CAST: variants seen among roughly 807,000 people sequenced by gnomAD.
CAST encodes the protein MIR583 host.
In CAST, 76 loss-of-function variants were observed where a neutral mutation model predicts 119.6. The ratio of observed to expected loss-of-function variants is 0.64; its 90% CI spans 0.53 to 0.77. CAST has a LOEUF of 0.77. CAST is among the 30% of genes least tolerant of loss of function. CAST has a pLI of 0.00. For missense variants in CAST, 953 were observed against 946.5 expected (o/e 1.01, Z -0.09); for synonymous variants, 319 against 331.6 (o/e 0.96, Z 0.41).
Position 96,566,581 on chromosome 5 carries a change from T to C in CAST, c.60+36701T>C, listed in dbSNP as rs1174714250. On this transcript the variant is annotated intron_variant, in intron 1 of 11. Transcript: ENST00000505143. ...AAGGTCTGAGAGGTCCATGACCCAC[T>C]GTATTCACTTACTAGTCACCATATT... Among the ~76,000 whole-genome samples, 3 of 152,180 alleles carry C rather than the reference T, an allele frequency of 2.0e-5. No homozygotes were observed. The East Asian group carries it at 5.8e-4, about 29-fold the overall frequency.
chr5:96,051,660 C>T, the CAST span, among the ~76,000 whole-genome samples: 2 of 152,052 alleles, frequency 1.3e-5, no homozygotes, highest in Non-Finnish European at 2.9e-5. Flanking sequence ...GTCAATGACT[C>T]CTGTGAGTGA....
At chr5:96,462,981 C>T in the CAST span, among the ~76,000 whole-genome samples, 3 of 152,056 alleles carry the variant, frequency 2.0e-5, no homozygotes, top group African/African-American at 7.2e-5. Context: ...AACTGTGAGT[C>T]AATTAAACCT....
chr5:96,254,721 A>G, the CAST span, among the ~76,000 whole-genome samples: 6 of 152,144 alleles, frequency 3.9e-5, no homozygotes, highest in Non-Finnish European at 7.4e-5. Flanking sequence ...TGTTAGTTAC[A>G]AAGTAGACAT....
At chr5:96,401,204 A>C in the CAST span, among the ~76,000 whole-genome samples, 1 of 151,640 alleles carries the variant, frequency 6.6e-6, no homozygotes, top group Non-Finnish European at 1.5e-5. Context: ...GGGAGTTTAG[A>C]GTAGAAAGAA....
chr5:96,239,985 C>G, the CAST span, among the ~76,000 whole-genome samples: 4 of 152,144 alleles, frequency 2.6e-5, no homozygotes, highest in African/African-American at 9.6e-5. Flanking sequence ...ATTTGACCTT[C>G]AATAGTATAT....
chr5:96,647,953 C>CT (rs1748039561), intron 1 of CAST, among the ~76,000 whole-genome samples: 1 of 152,224 alleles, frequency 6.6e-6, no homozygotes, highest in South Asian at 2.1e-4. Flanking sequence ...TCAAAATGAG[C>CT]TGTGACTTTC....
At chr5:96,041,640 G>T in the CAST span, among the ~76,000 whole-genome samples, 1 of 152,006 alleles carries the variant, frequency 6.6e-6, no homozygotes, top group East Asian at 1.9e-4. Context: ...AATTATAGGA[G>T]AAATTGAGTG....
At chr5:96,243,397 C>A in the CAST span, among the ~76,000 whole-genome samples, 2 of 151,558 alleles carry the variant, frequency 1.3e-5, no homozygotes, top group African/African-American at 4.9e-5. Flanking sequence ...AATTTTCTTC[C>A]TCTGTGGTTC....
chr5:96,550,521 C>G (rs1453445975), intron 1 of CAST, among the ~76,000 whole-genome samples: 2 of 152,228 alleles, frequency 1.3e-5, no homozygotes, highest in Non-Finnish European at 2.9e-5. Context: ...CAAAGGAACA[C>G]AACTCCTCAC....
At chr5:96,686,883 A>C (rs1207549575) in intron 2 of CAST, among the ~76,000 whole-genome samples, 1 of 152,072 alleles carries the variant, frequency 6.6e-6, no homozygotes, top group East Asian at 1.9e-4. Flanking sequence ...TTGCAGTAAG[A>C]GGGGAGAAAT....
chr5:96,467,566 T>C, the CAST span, among the ~76,000 whole-genome samples: 1 of 152,070 alleles, frequency 6.6e-6, no homozygotes, highest in Non-Finnish European at 1.5e-5. Context: ...ATCATTTATT[T>C]AAAAGTCCAT....
the CAST span, among the ~76,000 whole-genome samples, chr5:96,221,451 T>C: frequency 6.6e-6 from 1 of 152,082 alleles, no homozygotes; most frequent in East Asian, 1.9e-4. Flanking sequence ...CAGTAGTGTT[T>C]ATATACACCA....
At chr5:96,440,416 A>C in the CAST span, among the ~76,000 whole-genome samples, 1 of 152,138 alleles carries the variant, frequency 6.6e-6, no homozygotes, top group Non-Finnish European at 1.5e-5. Flanking sequence ...TACTCACAGC[A>C]AGAGAGAGAG....
chr5:96,290,878 A>T, the CAST span, among the ~76,000 whole-genome samples: 1 of 152,178 alleles, frequency 6.6e-6, no homozygotes, highest in East Asian at 1.9e-4. Context: ...AGTAGGCTTT[A>T]CGTGTGTAAT....
At chr5:96,303,902 A>G in the CAST span, among the ~76,000 whole-genome samples, 2 of 152,202 alleles carry the variant, frequency 1.3e-5, no homozygotes, top group East Asian at 3.8e-4. Context: ...CAGTGCCACA[A>G]TAAACATACG....
chr5:96,494,597 T>A, the CAST span, among the ~76,000 whole-genome samples: 42 of 152,204 alleles, frequency 2.8e-4, no homozygotes, highest in African/African-American at 9.6e-4. Flanking sequence ...ATGGCTGAAG[T>A]GGAACCAGAT....
chr5:96,496,286 G>T, the CAST span, among the ~76,000 whole-genome samples: 53 of 152,020 alleles, frequency 3.5e-4, no homozygotes, highest in Middle Eastern at 0.024. Context: ...ATAATTCATT[G>T]TACAGTTGAA....
chr5:96,544,259 T>C (rs970804722), intron 1 of CAST, among the ~76,000 whole-genome samples: 2 of 152,376 alleles, frequency 1.3e-5, no homozygotes, highest in South Asian at 4.1e-4. Context: ...GTTGTAGGCA[T>C]ATAGATCCTG....
At chr5:96,547,183 T>G (rs1314234082) in intron 1 of CAST, among the ~76,000 whole-genome samples, 1 of 152,156 alleles carries the variant, frequency 6.6e-6, no homozygotes, top group Non-Finnish European at 1.5e-5. Context: ...TAGGATTGAT[T>G]ATGGAAATTG....
Sources: allele counts gnomAD v4.1 joint callset (sites outside exome capture counted in the v4.1 genomes callset), GRCh38; gene constraint gnomAD v4.1.1; transcripts MANE v1.5; gene names NCBI Gene and HGNC (gene_info 2026-07-23, HGNC 2026-07-21).